Variants in PTPN14 observed in about 807,000 individuals in gnomAD.
The protein encoded by PTPN14 is protein tyrosine phosphatase non-receptor type 14.
A neutral mutation model predicts 126.8 loss-of-function variants in PTPN14; 53 were observed. The ratio of observed to expected loss-of-function variants is 0.42; its 90% CI spans 0.34 to 0.53. The LOEUF is 0.53. Ranked by LOEUF, PTPN14 falls within the 20% of genes least tolerant of loss-of-function variation. PTPN14 has a pLI of 0.08. For missense variants in PTPN14, 1,257 were observed against 1,552.9 expected (o/e 0.81, Z 3.20); for synonymous variants, 630 against 599.3 (o/e 1.05, Z -0.75).
intron 3 of PTPN14, among the ~76,000 whole-genome samples, chr1:214,436,048 G>C (rs1571998981): frequency 6.6e-6 from 1 of 152,142 alleles, no homozygotes; most frequent in Admixed American, 6.5e-5. Context: ...ATACACCATG[G>C]AATACTATGC....
At chr1:214,536,146 T>C (rs1434106248) in intron 1 of PTPN14, among the ~76,000 whole-genome samples, 1 of 147,574 alleles carries the variant, frequency 6.8e-6, no homozygotes, top group African/African-American at 2.5e-5. Flanking sequence ...TCCCAGAATT[T>C]TGGAAGGCCA....
Position 214,456,710 on chromosome 1 carries a change from C to A in PTPN14, c.175-4736G>T, listed in dbSNP as rs188353957. The stretch of plus-strand genomic sequence containing the variant: ...GAATACACAGAAAGATGAAGACGTA[C>A]AAGTTAAGACTGGCGAATAGTTCAC... On this transcript the variant is annotated intron_variant, in intron 2 of 18. Transcript: ENST00000366956. 2.4e-3 allele frequency among the ~76,000 whole-genome samples: 370 copies of A among 152,244 alleles called. 6 individuals are homozygous for A. The highest frequency in any genetic ancestry group is 4.2e-3 in the Non-Finnish European group (284 of 68,020).
intron 3 of PTPN14, among the ~76,000 whole-genome samples, chr1:214,451,535 C>T (rs902383679): frequency 1.3e-5 from 2 of 152,096 alleles, no homozygotes; most frequent in African/African-American, 2.4e-5. Flanking sequence ...AATATTTCCA[C>T]GCTGCTAGAG....
Position 214,376,211 on chromosome 1 carries a change from C to G in PTPN14, c.2907+8G>C. The G allele has an allele frequency of 3.1e-6, 5 of 1,611,036 alleles. No individual in the cohort carries two copies. Among genetic ancestry groups the G allele is most frequent in the Non-Finnish European group, 4.2e-6 (5 of 1,177,448 alleles). ...TTACCAAACCTTCTAACAGGCTTGC[C>G]TTCTTACCTTGATGTGGGAGGCATT... is the stretch of plus-strand genomic sequence containing the variant. On this transcript the variant is annotated splice_region_variant and intron_variant, in intron 15 of 18. Coordinates refer to ENST00000366956, the MANE Select transcript of PTPN14 (RefSeq NM_005401.5).
intron 1 of PTPN14, among the ~76,000 whole-genome samples, chr1:214,481,511 CAAAAAA>C (rs371949252): frequency 3.0e-5 from 2 of 67,456 alleles, no homozygotes; most frequent in Admixed American, 4.4e-4. Flanking sequence ...AACTCCCGCT[CAAAAAA>C]AAAAAAAAAA....
chr1:214,437,690 T>C (rs1659951010), intron 3 of PTPN14, among the ~76,000 whole-genome samples: 1 of 152,174 alleles, frequency 6.6e-6, no homozygotes, highest in South Asian at 2.1e-4. Context: ...GCCCACAATT[T>C]TTCTACTAAA....
At chr1:214,494,418 TCA>T (rs1210011563) in intron 1 of PTPN14, among the ~76,000 whole-genome samples, 1 of 152,154 alleles carries the variant, frequency 6.6e-6, no homozygotes, top group Non-Finnish European at 1.5e-5. Flanking sequence ...GTCAGCCCTA[TCA>T]CACAGGCTAA....
chr1:214,538,447 A>G (rs1655760499), intron 1 of PTPN14, among the ~76,000 whole-genome samples: 1 of 152,234 alleles, frequency 6.6e-6, no homozygotes, highest in African/African-American at 2.4e-5. Flanking sequence ...TATAGCAGAA[A>G]GGGGGTTTCT....
At chr1:214,498,270 G>A (rs866332550) in intron 1 of PTPN14, among the ~76,000 whole-genome samples, 4 of 152,066 alleles carry the variant, frequency 2.6e-5, no homozygotes, top group African/African-American at 9.7e-5. Flanking sequence ...CTCCTAACAT[G>A]GCACACAAAC....
rs575484056 is a variant in PTPN14, at chr1:214,372,597, A to G, written c.3036+114T>C. 2.8e-6 allele frequency: 4 copies of G among 1,435,040 alleles called. No homozygotes were observed. The African/African-American group carries it at 4.2e-5, about 15-fold the overall frequency. 88.9% of individuals were successfully genotyped at this position (1,435,040 alleles called of 1,614,324 possible). On this transcript the variant is annotated intron_variant, in intron 16 of 18. Transcript: ENST00000366956. ...ATACCAAAGAGAAAAGCATGTGCAG[A>G]GAAACAGCACTGCAGGAAGAAGGAT...
chr1:214,413,283 G>A (rs1176884762), intron 4 of PTPN14, among the ~76,000 whole-genome samples: 1 of 152,134 alleles, frequency 6.6e-6, no homozygotes, highest in Non-Finnish European at 1.5e-5. Flanking sequence ...ATCATAACTG[G>A]CCATTGTTTC....
intron 16 of PTPN14, among the ~76,000 whole-genome samples, chr1:214,371,401 G>C (rs972848744): frequency 4.6e-5 from 7 of 152,160 alleles, no homozygotes; most frequent in South Asian, 2.1e-4. Flanking sequence ...GTCCCCTAGC[G>C]TGAATGACAG....
At chr1:214,391,137 G>T in intron 10 of PTPN14, 92 bp from the exon 11 acceptor site, 1 of 864,576 alleles carries the variant, frequency 1.2e-6, no homozygotes, top group Non-Finnish European at 1.7e-6. Flanking sequence ...GAATAAACAA[G>T]ACTGGTAATC....
At chr1:214,538,999 T>C (rs1311803270) in intron 1 of PTPN14, among the ~76,000 whole-genome samples, 3 of 152,226 alleles carry the variant, frequency 2.0e-5, no homozygotes, top group Non-Finnish European at 2.9e-5. Flanking sequence ...TAATTCCTGA[T>C]ATTTTGCTTT....
chr1:214,521,890 G>GTT (rs144376575), intron 1 of PTPN14, among the ~76,000 whole-genome samples: 3 of 136,868 alleles, frequency 2.2e-5, no homozygotes, highest in East Asian at 2.6e-4. Flanking sequence ...TAAGATTTTT[G>GTT]TTGTTTTTTT....
Position 214,505,498 on chromosome 1 carries a change from T to C in PTPN14, c.-154-40541A>G, listed in dbSNP as rs79331700. Among the ~76,000 whole-genome samples, 392 of 152,272 alleles carry C rather than the reference T, an allele frequency of 2.6e-3. 1 individual carries two copies. Among genetic ancestry groups the C allele is most frequent in the African/African-American group, 9.2e-3 (382 of 41,550 alleles). The stretch of plus-strand genomic sequence containing the variant: ...CCCACACAGTGGTGGAGCTGCCAGC[T>C]GCGATGTAAGGAGCTGAGGACGGAA... On this transcript the variant is annotated intron_variant, in intron 1 of 18. Transcript: ENST00000366956.
chr1:214,364,529 A>G lies in PTPN14; in HGVS notation c.3418T>C (p.Cys1140Arg), dbSNP rs888807226. 1.9e-6 allele frequency: 3 copies of G among 1,614,070 alleles called. No homozygotes were observed. Among genetic ancestry groups the G allele is most frequent in the Non-Finnish European group, 1.7e-6 (2 of 1,180,008 alleles). The change falls in exon 18 of 19, where the codon TGC becomes CGC. Residue 1140 changes from cysteine to arginine, a missense_variant. By Grantham distance (180) the Cys-to-Arg change is radical (BLOSUM62 -3). Coordinates refer to ENST00000366956, the MANE Select transcript of PTPN14 (RefSeq NM_005401.5). The surrounding 1 kb of genome is among the most constrained non-coding windows in gnomAD (Gnocchi z 4.1). ...VLILSELMIY[C>R]LEHNEKVEVP... ...TGACTCACTTCGTTATGTTCCAAGC[A>G]GTAGATCATCAGCTCAGAAAGAATG...
intron 13 of PTPN14, among the ~76,000 whole-genome samples, chr1:214,381,637 C>T (rs1472444): frequency 0.11 from 16,478 of 152,266 alleles, 1,035 homozygotes; most frequent in South Asian, 0.16. Context: ...ACCCCAGGAA[C>T]TTGGCTTCCT....
chr1:214,472,494 A>T (rs1436051951), intron 1 of PTPN14, among the ~76,000 whole-genome samples: 3 of 152,174 alleles, frequency 2.0e-5, no homozygotes, highest in African/African-American at 7.2e-5. Context: ...AGTCTCAGGT[A>T]TTTCTTCATA....
Sources: gnomAD v4.1 joint callset for allele counts (sites outside exome capture counted in the v4.1 genomes callset) on GRCh38, gnomAD v4.1.1 for gene constraint, Gnocchi (gnomAD v3.1) non-coding constraint, MANE v1.5 for transcripts, NCBI Gene and HGNC (gene_info 2026-07-23, HGNC 2026-07-21) for gene names.